The following TYW1 variants were observed in gnomAD, a reference collection of about 807,000 sequenced individuals.
The protein encoded by TYW1 is tRNA-yW synthesizing protein 1 homolog.
A neutral mutation model predicts 96.2 loss-of-function variants in TYW1; 46 were observed. The observed-to-expected ratio is 0.48, with a 90% CI of 0.38 to 0.61. TYW1 has a LOEUF of 0.61. TYW1 is among the 20% of genes least tolerant of loss of function. TYW1 has a pLI of 0.00. For synonymous variants in TYW1, 274 were observed against 323.0 expected (o/e 0.85, Z 1.63); for missense variants, 684 against 909.6 (o/e 0.75, Z 3.19).
chr7:67,022,780 A>G (rs1794317479), intron 6 of TYW1, among the ~76,000 whole-genome samples: 2 of 152,284 alleles, frequency 1.3e-5, no homozygotes, highest in Admixed American at 6.5e-5. Context: ...ATTTCTGGGA[A>G]CAATTTATTT....
Position 67,148,374 on chromosome 7 carries a change from C to T in TYW1, c.1698+30756C>T, listed in dbSNP as rs542186155. ...TAAAAAAAAAAAATTAACATGAGTC[C>T]GAGACTCCAAGTTGGAACTAAGGTC... On this transcript the variant is annotated intron_variant, in intron 13 of 15. Transcript: ENST00000359626. Among the ~76,000 whole-genome samples the T allele has an allele frequency of 3.9e-3, 584 of 149,202 alleles. 1 individual carries two copies. The highest frequency in any genetic ancestry group is 0.012 in the African/African-American group (504 of 40,626).
intron 13 of TYW1, among the ~76,000 whole-genome samples, chr7:67,145,781 G>T (rs1305357877): frequency 4.6e-5 from 7 of 152,064 alleles, no homozygotes; most frequent in Non-Finnish European, 5.9e-5. Context: ...TTGAGACAGG[G>T]TTTTGCTCTG....
chr7:67,069,631 C>G (rs1252890349), intron 10 of TYW1, among the ~76,000 whole-genome samples: 1 of 152,058 alleles, frequency 6.6e-6, no homozygotes, highest in Non-Finnish European at 1.5e-5. Context: ...CCCAGCTACT[C>G]CAGAAGGCTG....
At chr7:67,154,870 C>CT (rs1798917369) in intron 13 of TYW1, among the ~76,000 whole-genome samples, 1 of 152,062 alleles carries the variant, frequency 6.6e-6, no homozygotes, top group African/African-American at 2.4e-5. Context: ...TTTCTGTATA[C>CT]TTTTAAATTA....
intron 15 of TYW1, among the ~76,000 whole-genome samples, chr7:67,235,766 T>TG (rs1304550014): frequency 2.0e-5 from 3 of 151,320 alleles, no homozygotes; most frequent in Non-Finnish European, 4.4e-5. Flanking sequence ...TGGTGGCAGG[T>TG]GCCAGTAGTC....
chr7:67,119,714 T>G (rs547956740), intron 13 of TYW1, among the ~76,000 whole-genome samples: 16 of 152,296 alleles, frequency 1.1e-4, no homozygotes, highest in African/African-American at 3.9e-4. Flanking sequence ...TGCTCTCTCC[T>G]GAGCTGGATT....
intron 13 of TYW1, among the ~76,000 whole-genome samples, chr7:67,134,371 T>C (rs1798179900): frequency 6.6e-6 from 1 of 151,802 alleles, no homozygotes; most frequent in Non-Finnish European, 1.5e-5. Flanking sequence ...GGTGAAACCC[T>C]GTTAGTACTA....
At chr7:67,236,353 G>T (rs112966450) in intron 15 of TYW1, among the ~76,000 whole-genome samples, 2 of 152,230 alleles carry the variant, frequency 1.3e-5, no homozygotes, top group Non-Finnish European at 2.9e-5. Flanking sequence ...GGAATCAGAA[G>T]GTCAATTGGC....
chr7:67,089,388 G>A, intron 11 of TYW1: 1 of 1,232,784 alleles, frequency 8.1e-7, no homozygotes, highest in Middle Eastern at 2.3e-4. Context: ...AGGGCATCTG[G>A]TGGGGAGGCC....
At chr7:67,191,687 G>A (rs969892188) in intron 14 of TYW1, among the ~76,000 whole-genome samples, 3 of 150,408 alleles carry the variant, frequency 2.0e-5, no homozygotes, top group Non-Finnish European at 4.4e-5. Context: ...ATGAAGTGGG[G>A]CAGTCGCAGC....
chr7:67,188,387 A>C (rs1053577679), intron 14 of TYW1, among the ~76,000 whole-genome samples: 5 of 152,300 alleles, frequency 3.3e-5, no homozygotes, highest in Non-Finnish European at 5.9e-5. Context: ...ATTTGATAAG[A>C]ACTAGCAATA....
intron 13 of TYW1, among the ~76,000 whole-genome samples, chr7:67,135,595 G>A (rs1367195570): frequency 7.1e-6 from 1 of 141,832 alleles, no homozygotes; most frequent in Non-Finnish European, 1.5e-5. Flanking sequence ...GAGCTACCAC[G>A]TCCAGCCAAC....
chr7:67,117,349 T>A, intron 12 of TYW1, 134 bp from the exon 13 acceptor site: 1 of 953,106 alleles, frequency 1.0e-6, no homozygotes, highest in Non-Finnish European at 1.4e-6. Context: ...TTCAGTCTTT[T>A]GGGGGAAGTG....
At chr7:67,103,601 A>G (rs562535966) in intron 12 of TYW1, among the ~76,000 whole-genome samples, 3 of 152,174 alleles carry the variant, frequency 2.0e-5, no homozygotes, top group Non-Finnish European at 4.4e-5. Flanking sequence ...CCAAGAGAAA[A>G]CAGAAAGAAA....
chr7:67,126,620 C>T (rs374399943), intron 13 of TYW1, among the ~76,000 whole-genome samples: 1 of 152,118 alleles, frequency 6.6e-6, no homozygotes, highest in East Asian at 1.9e-4. Context: ...TTTTGTAATC[C>T]ACTTAGAGTT....
At chr7:67,038,749 T>C (rs6950405) in intron 7 of TYW1, among the ~76,000 whole-genome samples, 47,642 of 151,648 alleles carry the variant, frequency 0.31, 7,775 homozygotes, top group African/African-American at 0.38. Flanking sequence ...ACTAAAAATA[T>C]AAAAATTAGC....
intron 6 of TYW1, among the ~76,000 whole-genome samples, chr7:67,019,907 GAGTC>G (rs1455918592): frequency 6.6e-6 from 1 of 152,288 alleles, no homozygotes; most frequent in African/African-American, 2.4e-5. Flanking sequence ...TGGCTACCTG[GAGTC>G]AGTCAGTCTG....
chr7:67,202,510 C>CTTAA (rs1800634998), intron 15 of TYW1, among the ~76,000 whole-genome samples: 2 of 152,138 alleles, frequency 1.3e-5, no homozygotes, highest in South Asian at 4.1e-4. Flanking sequence ...AGTCCTCCTG[C>CTTAA]TTAAGCCTCT....
intron 7 of TYW1, among the ~76,000 whole-genome samples, chr7:67,046,198 T>G (rs1427301254): frequency 3.3e-5 from 5 of 152,180 alleles, no homozygotes; most frequent in Admixed American, 2.6e-4. Context: ...AGACATGATC[T>G]GATTGGCGCA....
Sources: gnomAD v4.1 joint callset for allele counts (sites outside exome capture counted in the v4.1 genomes callset) on GRCh38, gnomAD v4.1.1 for gene constraint, MANE v1.5 for transcripts, NCBI Gene and HGNC (gene_info 2026-07-23, HGNC 2026-07-21) for gene names.